LIPA: variants seen among roughly 807,000 people sequenced by gnomAD.
LIPA encodes lysosomal acid lipase/cholesteryl ester hydrolase.
A neutral mutation model predicts 40.6 loss-of-function variants in LIPA; 26 were observed. That is an observed-to-expected ratio of 0.64 (90% CI 0.47 to 0.89). The LOEUF (loss-of-function observed/expected upper bound fraction) is 0.89, where lower values mean the gene tolerates loss of function less well. Ranked by LOEUF, LIPA falls within the 40% of genes least tolerant of loss-of-function variation. LIPA has a pLI of 0.00. For missense variants in LIPA, 455 were observed against 479.6 expected (o/e 0.95, Z 0.48); for synonymous variants, 188 against 168.4 (o/e 1.12, Z -0.90).
intron 1 of LIPA, among the ~76,000 whole-genome samples, chr10:89,274,726 T>C (rs1009804591): frequency 6.6e-6 from 1 of 152,302 alleles, no homozygotes; most frequent in Middle Eastern, 3.4e-3. Context: ...GGGATAAGGA[T>C]GGCCACCAGA....
chr10:89,362,702 C>A, intron 2 of LIPA: 1 of 684,872 alleles, frequency 1.5e-6, no homozygotes, highest in Non-Finnish European at 2.3e-6. Context: ...CAAATGCTTC[C>A]CGCTATAGAA....
At chr10:89,252,809 A>C (rs1271394374), upstream of LIPA, among the ~76,000 whole-genome samples, 11 of 150,192 alleles carry the variant, frequency 7.3e-5, no homozygotes, top group African/African-American at 9.8e-5. Context: ...CCATCCCCCA[A>C]AAAAAAAAAA....
intron 2 of LIPA, chr10:89,384,133 T>C: frequency 6.2e-7 from 1 of 1,614,162 alleles, no homozygotes. Context: ...TCTTGAGCTC[T>C]TAAAAATGGC....
intron 1 of LIPA, among the ~76,000 whole-genome samples, chr10:89,276,781 A>C (rs780812405): frequency 2.6e-5 from 4 of 152,242 alleles, no homozygotes; most frequent in Non-Finnish European, 5.9e-5. Flanking sequence ...TAATCCTGAC[A>C]ACTCCATTAG....
chr10:89,321,956 A>G (rs1843574511), intron 1 of LIPA, among the ~76,000 whole-genome samples: 1 of 152,168 alleles, frequency 6.6e-6, no homozygotes, highest in African/African-American at 2.4e-5. Flanking sequence ...ATTCTGAGCA[A>G]ACTATCGCAA....
chr10:89,396,022 A>C (rs1019108501), intron 2 of LIPA, among the ~76,000 whole-genome samples: 6 of 152,342 alleles, frequency 3.9e-5, no homozygotes, highest in African/African-American at 1.4e-4. Flanking sequence ...GGCCATTATG[A>C]ATAGTGCTGC....
In LIPA at chr10:89,409,071, G is replaced by A. The variant is rs577955162; in HGVS notation, c.61+3720C>T. On this transcript the variant is annotated intron_variant, in intron 2 of 8. Coordinates refer to the LIPA transcript ENST00000371837. ...CCTTCTGCCGTCCTTGAGCGGCTAC[G>A]GGAGGCCTTAAGAAAATATGCTCCC... Among the ~76,000 whole-genome samples, 230 of 152,252 alleles carry A rather than the reference G, an allele frequency of 1.5e-3. 1 individual carries two copies. Among genetic ancestry groups the A allele is most frequent in the African/African-American group, 5.2e-3 (216 of 41,544 alleles).
intron 1 of LIPA, chr10:89,314,808 A>G (rs1187671112): frequency 6.6e-6 from 1 of 152,270 alleles, no homozygotes; most frequent in Non-Finnish European, 1.5e-5. Context: ...GAAAATGGAC[A>G]ATAGGTCCTA....
chr10:89,223,201 G>A (rs955863523), intron 7 of LIPA, among the ~76,000 whole-genome samples: 2 of 152,088 alleles, frequency 1.3e-5, no homozygotes, highest in African/African-American at 4.8e-5. Context: ...GGGGGTCCAT[G>A]TGCAGGTTTG....
intron 1 of LIPA, among the ~76,000 whole-genome samples, chr10:89,287,761 A>G (rs913158222): frequency 6.6e-6 from 1 of 152,210 alleles, no homozygotes; most frequent in Non-Finnish European, 1.5e-5. Context: ...TTTAAAGCCT[A>G]TAAACTCTCC....
At chr10:89,253,349 G>C (rs768078042), upstream of LIPA, among the ~76,000 whole-genome samples, 3 of 152,180 alleles carry the variant, frequency 2.0e-5, no homozygotes, top group Admixed American at 6.5e-5. Context: ...AAGGCAAAAG[G>C]CTTGTCTTAC....
intron 3 of LIPA, among the ~76,000 whole-genome samples, chr10:89,236,665 AG>A (rs767343008): frequency 1.3e-5 from 2 of 152,194 alleles, no homozygotes; most frequent in African/African-American, 2.4e-5. Context: ...TTAAAAAAAA[AG>A]GGAAAGAAAA....
chr10:89,387,005 A>G (rs304496), intron 2 of LIPA, among the ~76,000 whole-genome samples: 146,000 of 151,752 alleles, frequency 0.96, 70,277 homozygotes, highest in East Asian at 1. Flanking sequence ...GTGTTTGGAT[A>G]AGCACCAAGT....
chr10:89,339,805 G>C (rs1564793591), intron 1 of LIPA: 1 of 1,614,192 alleles, frequency 6.2e-7, no homozygotes, highest in African/African-American at 1.3e-5. Flanking sequence ...ACATGGTTTA[G>C]AGGGTTTGTC....
At chr10:89,401,454 G>GA (rs760889230) in intron 2 of LIPA, among the ~76,000 whole-genome samples, 1 of 152,082 alleles carries the variant, frequency 6.6e-6, no homozygotes. Flanking sequence ...AAATTACAGA[G>GA]ATGAAGAACA....
chr10:89,312,102 T>G (rs1423386093), intron 1 of LIPA, among the ~76,000 whole-genome samples: 2 of 152,178 alleles, frequency 1.3e-5, no homozygotes, highest in Non-Finnish European at 2.9e-5. Context: ...TCTCTGTGCA[T>G]GAAGTGGAAA....
chr10:89,302,978 T>A (rs1008133722), intron 1 of LIPA, among the ~76,000 whole-genome samples: 1 of 151,484 alleles, frequency 6.6e-6, no homozygotes, highest in Admixed American at 6.6e-5. Context: ...ACGATATTAT[T>A]TCCTGCTAGT....
intron 1 of LIPA, chr10:89,339,497 T>C (rs768315767): frequency 5.6e-6 from 9 of 1,614,008 alleles, no homozygotes; most frequent in Non-Finnish European, 5.1e-6. Flanking sequence ...TATCACCAGA[T>C]TGGGTGCTGC....
intron 1 of LIPA, chr10:89,291,937 A>G (rs1046331906): frequency 6.6e-6 from 1 of 152,198 alleles, no homozygotes; most frequent in African/African-American, 2.4e-5. Context: ...GTCATTTCCA[A>G]GTAAAGATGG....
Sources: allele counts gnomAD v4.1 joint callset (sites outside exome capture counted in the v4.1 genomes callset), GRCh38; gene constraint gnomAD v4.1.1; transcripts MANE v1.5; gene names NCBI Gene and HGNC (gene_info 2026-07-23, HGNC 2026-07-21).